Variants in AKT2 observed in about 807,000 individuals in gnomAD.
AKT2 encodes AKT serine/threonine kinase 2, also known as RAC-beta serine/threonine-protein kinase.
A neutral mutation model predicts 58.6 loss-of-function variants in AKT2; 16 were observed. That is an observed-to-expected ratio of 0.27 (90% CI 0.18 to 0.41). The LOEUF is 0.41. Ranked by LOEUF, AKT2 falls within the 10% of genes least tolerant of loss-of-function variation. AKT2 has a pLI of 1.00. For missense variants in AKT2, 438 were observed against 661.0 expected, an observed-to-expected ratio of 0.66 and a Z score of 3.70; for synonymous variants, 253 against 254.0, an observed-to-expected ratio of 1.00 and a Z score of 0.04.
intron 1 of AKT2, among the ~76,000 whole-genome samples, chr19:40,267,912 G>T (rs1976475923): frequency 6.6e-6 from 1 of 151,678 alleles, no homozygotes; most frequent in Non-Finnish European, 1.5e-5. Flanking sequence ...TGCGGGACTT[G>T]CGAGCAGACA....
chr19:40,251,057 C>T (rs1183265316), intron 4 of AKT2, among the ~76,000 whole-genome samples: 1 of 151,680 alleles, frequency 6.6e-6, no homozygotes. Context: ...TTTAAAAATT[C>T]GCCAGGCATG....
At chr19:40,276,948 G>C (rs2077337806) in intron 1 of AKT2, among the ~76,000 whole-genome samples, 1 of 152,206 alleles carries the variant, frequency 6.6e-6, no homozygotes, top group Admixed American at 6.5e-5. Context: ...ACTTGAGCCA[G>C]TGAGGTCAAG....
chr19:40,283,746 T>G (rs921673823), intron 1 of AKT2, among the ~76,000 whole-genome samples: 1 of 152,172 alleles, frequency 6.6e-6, no homozygotes, highest in Non-Finnish European at 1.5e-5. Flanking sequence ...GGGATCTGAC[T>G]GTCCCAAGCC....
At chr19:40,240,218 T>C in intron 6 of AKT2, 108 bp from the exon 7 acceptor site, 3 of 1,167,666 alleles carry the variant, frequency 2.6e-6, no homozygotes, top group Non-Finnish European at 3.9e-6. Context: ...TTCCCAGCCA[T>C]AAATGCAGAA....
intron 1 of AKT2, chr19:40,269,592 C>A (rs1473826423): frequency 2.0e-5 from 3 of 152,158 alleles, no homozygotes; most frequent in Admixed American, 2.0e-4. Context: ...CACGACCTAG[C>A]AATTCGTCTC....
intron 4 of AKT2, among the ~76,000 whole-genome samples, chr19:40,247,657 G>A (rs1974839955): frequency 6.6e-6 from 1 of 152,102 alleles, no homozygotes; most frequent in South Asian, 2.1e-4. Context: ...TTCAGAGAGG[G>A]GCCCCCACCC....
intron 1 of AKT2, among the ~76,000 whole-genome samples, chr19:40,277,924 C>T (rs1450544574): frequency 6.6e-6 from 1 of 152,248 alleles, no homozygotes; most frequent in Non-Finnish European, 1.5e-5. Context: ...GCTCCTGAGG[C>T]TGTTCAGCAA....
chr19:40,232,562 G>T lies in AKT2; in HGVS notation c.*1310C>A, dbSNP rs1973758663. 3 of 230,338 alleles carry T rather than the reference G, an allele frequency of 1.3e-5. No individual in the cohort carries two copies. Among genetic ancestry groups the T allele is most frequent in the African/African-American group, 2.2e-5 (1 of 45,082 alleles). 14.3% of individuals were successfully genotyped at this position (230,338 alleles called of 1,614,324 possible). A position where few individuals can be genotyped will look rare whatever the true frequency, so the allele number is the denominator to read the frequency against. On this transcript the variant is annotated 3_prime_UTR_variant, in exon 14 of 14. Coordinates refer to ENST00000392038, the MANE Select transcript of AKT2 (RefSeq NM_001626.6). ...TAAACTCCAAACACCCAGAGGTGTT[G>T]CTACAGGGAGGGGAGGCGTGGGCAG...
rs1209502202 is a variant in AKT2 at position 40,231,164 on chromosome 19, G to A, written c.*2708C>T. ...ACCCTTCTTGGGAAAAGCTCTACAGGATAACCACACATGCTCAACTACGGG... is the reference window on the plus strand; with the variant it reads ...ACCCTTCTTGGGAAAAGCTCTACAGAATAACCACACATGCTCAACTACGGG... On this transcript the variant is annotated 3_prime_UTR_variant, in exon 14 of 14. Coordinates refer to ENST00000392038, the MANE Select transcript of AKT2 (RefSeq NM_001626.6). 4.3e-6 allele frequency: 1 copy of A among 231,744 alleles called. No individual in the cohort carries two copies. The highest frequency in any genetic ancestry group is 8.5e-6 in the Non-Finnish European group (1 of 117,168). The allele number at this position is 231,744 out of a possible 1,614,324, so 14.4% of individuals were successfully genotyped here. A position where few individuals can be genotyped will look rare whatever the true frequency, so the allele number is the denominator to read the frequency against.
intron 1 of AKT2, chr19:40,274,091 C>T (rs2077267231): frequency 6.6e-6 from 1 of 152,668 alleles, no homozygotes. Flanking sequence ...GAGGCCTTCC[C>T]TGACCACCCC....
Position 40,242,267 on chromosome 19 carries a change from G to C in AKT2, c.442-198C>G, listed in dbSNP as rs1257809726. On this transcript the variant is annotated intron_variant, in intron 5 of 13. Coordinates refer to ENST00000392038, the MANE Select transcript of AKT2 (RefSeq NM_001626.6). This position sits in a 1 kb window ranked among gnomAD's most constrained non-coding sequence, Gnocchi z 4.3. ...AGGCTCTGCAGGCACAGGGCCTTGGGAGGGCTGGGCTCTGACGTGGGGGTA... is the reference window on the plus strand; with the variant it reads ...AGGCTCTGCAGGCACAGGGCCTTGGCAGGGCTGGGCTCTGACGTGGGGGTA... The C allele has an allele frequency of 1.1e-6, 1 of 904,122 alleles. No individual in the cohort carries two copies. 56.0% of individuals were successfully genotyped at this position (904,122 alleles called of 1,614,324 possible).
chr19:40,233,829 C>T lies in AKT2; in HGVS notation c.*43G>A, dbSNP rs138058201. On this transcript the variant is annotated 3_prime_UTR_variant, in exon 14 of 14. Coordinates refer to ENST00000392038, the MANE Select transcript of AKT2 (RefSeq NM_001626.6). This position sits in a 1 kb window ranked among gnomAD's most constrained non-coding sequence, Gnocchi z 4.3. ...AAGTTAGGGGGAAAAAACCACCCAG[C>T]GGTGATGGCAGCGAGCGTGCGTCCT... 3 of 1,595,548 alleles carry T rather than the reference C, an allele frequency of 1.9e-6. No individual in the cohort carries two copies. The highest frequency in any genetic ancestry group is 2.7e-5 in the African/African-American group (2 of 74,742).
At chr19:40,241,462 A>C (rs1974400029) in intron 6 of AKT2, 1 of 234,456 alleles carries the variant, frequency 4.3e-6, no homozygotes, top group South Asian at 5.6e-5. Context: ...AACGCTGATA[A>C]CTGGTTAAAC....
rs769448768 is a variant in AKT2 at position 40,238,871 on chromosome 19, C to T, written c.708+34G>A. ...CCCGCCCCACCCTAAAGAAGGAGGCCCCAGAGGGCAAAGTCAAGGCAGCCG... is the reference window on the plus strand; with the variant it reads ...CCCGCCCCACCCTAAAGAAGGAGGCTCCAGAGGGCAAAGTCAAGGCAGCCG... On this transcript the variant is annotated intron_variant, in intron 8 of 13. Coordinates refer to ENST00000392038, the MANE Select transcript of AKT2 (RefSeq NM_001626.6). This position sits in a 1 kb window ranked among gnomAD's most constrained non-coding sequence, Gnocchi z 5.1. The T allele has an allele frequency of 2.5e-6, 4 of 1,611,610 alleles. No homozygotes were observed. The African/African-American group carries it at 4.0e-5, about 16-fold the overall frequency.
rs1339152316 is a variant in AKT2, at chr19:40,231,422, C to T, written c.*2450G>A. 4.3e-6 allele frequency: 1 copy of T among 233,296 alleles called. No individual in the cohort carries two copies. Among genetic ancestry groups the T allele is most frequent in the East Asian group, 6.0e-5 (1 of 16,600 alleles). 14.5% of individuals were successfully genotyped at this position (233,296 alleles called of 1,614,324 possible). On this transcript the variant is annotated 3_prime_UTR_variant, in exon 14 of 14. Coordinates refer to ENST00000392038, the MANE Select transcript of AKT2 (RefSeq NM_001626.6). ...ACTTTTGTAATTAAATTAAGGTCCA[C>T]ATGACTTTAGAAAGACAAACTAAAA... is the stretch of plus-strand genomic sequence containing the variant.
intron 2 of AKT2, among the ~76,000 whole-genome samples, chr19:40,265,017 C>T (rs1390180444): frequency 6.6e-6 from 1 of 152,238 alleles, no homozygotes; most frequent in Non-Finnish European, 1.5e-5. Flanking sequence ...TGAGATCACT[C>T]ATGCACAGTC....
chr19:40,272,088 C>T (rs1194789702), intron 1 of AKT2, among the ~76,000 whole-genome samples: 2 of 152,236 alleles, frequency 1.3e-5, no homozygotes, highest in African/African-American at 4.8e-5. Context: ...ACCAATATAA[C>T]CCTCACAGCA....
rs537763383 is a variant in AKT2 at position 40,246,931 on chromosome 19, G to A, written c.288-4244C>T. Among the ~76,000 whole-genome samples the A allele has an allele frequency of 8.1e-4, 123 of 152,364 alleles. 1 individual carries two copies. The highest frequency in any genetic ancestry group is 2.9e-3 in the African/African-American group (120 of 41,580). On this transcript the variant is annotated intron_variant, in intron 4 of 13. Transcript: ENST00000392038. ...GGGCTGTCGGCGCAGAGCACCGCGC[G>A]CAGGGCGGGGTGGAAGGGAGGGTGC...
At chr19:40,266,983 G>A (rs999824548) in intron 1 of AKT2, among the ~76,000 whole-genome samples, 1 of 152,040 alleles carries the variant, frequency 6.6e-6, no homozygotes, top group Non-Finnish European at 1.5e-5. Context: ...AAATATGTAT[G>A]TATTTCTGTA....
Sources: gnomAD v4.1 joint callset for allele counts (sites outside exome capture counted in the v4.1 genomes callset) on GRCh38, gnomAD v4.1.1 for gene constraint, Gnocchi (gnomAD v3.1) non-coding constraint, MANE v1.5 for transcripts, NCBI Gene and HGNC (gene_info 2026-07-23, HGNC 2026-07-21) for gene names.